The following KHDRBS2 variants were observed in gnomAD, a reference collection of about 807,000 sequenced individuals.
KHDRBS2 encodes the protein KH RNA binding domain containing, signal transduction associated 2.
A neutral mutation model predicts 44.3 loss-of-function variants in KHDRBS2; 26 were observed. That is an observed-to-expected ratio of 0.59 (90% CI 0.43 to 0.81). KHDRBS2 has a LOEUF of 0.81. Among genes scored for constraint, KHDRBS2 ranks in the 40% least tolerant of loss-of-function variants. The probability of loss-of-function intolerance (pLI) is 0.00; values close to 1 mark genes in which losing one functional copy is unlikely to be tolerated. For missense variants in KHDRBS2, 476 were observed against 433.1 expected (o/e 1.10, Z -0.88); for synonymous variants, 194 against 151.1 (o/e 1.28, Z -2.08).
intron 2 of KHDRBS2, among the ~76,000 whole-genome samples, chr6:62,090,463 C>T (rs948241189): frequency 2.0e-5 from 3 of 152,064 alleles, no homozygotes; most frequent in African/African-American, 7.2e-5. Flanking sequence ...AACAAATTCC[C>T]ATTTGGTGCA....
chr6:61,826,576 C>G (rs890506036), intron 6 of KHDRBS2, among the ~76,000 whole-genome samples: 1 of 152,054 alleles, frequency 6.6e-6, no homozygotes, highest in Non-Finnish European at 1.5e-5. Context: ...TTGTTGAGCT[C>G]TTTTCATTTA....
chr6:61,857,003 A>T (rs1203477454), intron 6 of KHDRBS2, among the ~76,000 whole-genome samples: 2 of 152,156 alleles, frequency 1.3e-5, no homozygotes, highest in Non-Finnish European at 2.9e-5. Flanking sequence ...TGAAGTGCAT[A>T]GCACCAATGT....
chr6:61,937,727 T>A (rs1811294214), intron 4 of KHDRBS2, among the ~76,000 whole-genome samples: 1 of 152,100 alleles, frequency 6.6e-6, no homozygotes, highest in African/African-American at 2.4e-5. Context: ...TAAAGGAAGA[T>A]CAGGATTAGT....
At chr6:62,181,557 A>G (rs1185126324) in intron 1 of KHDRBS2, among the ~76,000 whole-genome samples, 1 of 152,060 alleles carries the variant, frequency 6.6e-6, no homozygotes, top group Non-Finnish European at 1.5e-5. Context: ...GGATGTGGAT[A>G]AAAGGGAATC....
At chr6:61,787,108 C>A (rs1043060691) in intron 6 of KHDRBS2, among the ~76,000 whole-genome samples, 2 of 149,926 alleles carry the variant, frequency 1.3e-5, no homozygotes, top group African/African-American at 4.9e-5. Context: ...TAAAAGTATG[C>A]TATTTTGGTG....
chr6:61,995,770 A>T (rs1777056333), intron 3 of KHDRBS2, among the ~76,000 whole-genome samples: 1 of 152,186 alleles, frequency 6.6e-6, no homozygotes, highest in Non-Finnish European at 1.5e-5. Context: ...TCAGAGAAAA[A>T]AAAATCAGAT....
chr6:61,856,167 C>T (rs1381547638), intron 6 of KHDRBS2, among the ~76,000 whole-genome samples: 1 of 152,066 alleles, frequency 6.6e-6, no homozygotes, highest in African/African-American at 2.4e-5. Flanking sequence ...TGCTTTCATA[C>T]TCCATTTAGC....
At chr6:61,873,634 G>GAA (rs35126124) in intron 6 of KHDRBS2, among the ~76,000 whole-genome samples, 3,258 of 146,188 alleles carry the variant, frequency 0.022, 125 homozygotes, top group African/African-American at 0.073. Flanking sequence ...AGCAAAAAAA[G>GAA]AAAAAAAAAA....
intron 5 of KHDRBS2, among the ~76,000 whole-genome samples, chr6:61,895,267 A>G (rs1802747206): frequency 6.6e-6 from 1 of 152,062 alleles, no homozygotes; most frequent in African/African-American, 2.4e-5. Flanking sequence ...AGATGTCTGC[A>G]TCTCCTTTAT....
intron 8 of KHDRBS2, among the ~76,000 whole-genome samples, chr6:61,694,261 TTAAG>T (rs1210866882): frequency 4.6e-5 from 7 of 152,196 alleles, no homozygotes; most frequent in African/African-American, 1.7e-4. Context: ...GTGTTAGCCA[TTAAG>T]TAAATACTTG....
chr6:62,061,592 T>C (rs998522925), intron 2 of KHDRBS2, among the ~76,000 whole-genome samples: 3 of 150,638 alleles, frequency 2.0e-5, no homozygotes, highest in African/African-American at 4.9e-5. Flanking sequence ...GCTTTCTCTC[T>C]GGCTGCCCTT....
chr6:62,119,940 C>T (rs910741901), intron 2 of KHDRBS2, among the ~76,000 whole-genome samples: 6 of 151,826 alleles, frequency 4.0e-5, no homozygotes, highest in Non-Finnish European at 7.3e-5. Flanking sequence ...GTGTGACCCA[C>T]AAGGCAGTGC....
At chr6:61,847,101 G>A (rs510291) in intron 6 of KHDRBS2, among the ~76,000 whole-genome samples, 22,300 of 151,460 alleles carry the variant, frequency 0.15, 2,281 homozygotes, top group South Asian at 0.27. Context: ...ATGAAGAAGT[G>A]GTTCTAACTT....
At chr6:61,583,611 T>C in the KHDRBS2 span, among the ~76,000 whole-genome samples, 5 of 151,904 alleles carry the variant, frequency 3.3e-5, no homozygotes, top group South Asian at 1.0e-3. Flanking sequence ...TTGACTATTG[T>C]AGGTTTATAG....
At chr6:61,569,565 C>T in the KHDRBS2 span, among the ~76,000 whole-genome samples, 3 of 152,160 alleles carry the variant, frequency 2.0e-5, no homozygotes, top group South Asian at 2.1e-4. Flanking sequence ...CTGCAACATC[C>T]TGGCTAATCA....
At chr6:62,213,042 A>G (rs1230756465) in intron 1 of KHDRBS2, among the ~76,000 whole-genome samples, 1 of 152,206 alleles carries the variant, frequency 6.6e-6, no homozygotes, top group Non-Finnish European at 1.5e-5. Flanking sequence ...CTATTCAGAG[A>G]TCAGTTCAGA....
At chr6:62,155,800 T>C (rs554074779) in intron 2 of KHDRBS2, among the ~76,000 whole-genome samples, 1 of 152,174 alleles carries the variant, frequency 6.6e-6, no homozygotes, top group Non-Finnish European at 1.5e-5. Context: ...AGAGTTCACA[T>C]AAGTCATTTA....
intron 6 of KHDRBS2, among the ~76,000 whole-genome samples, chr6:61,887,167 C>T (rs1583335196): frequency 2.1e-5 from 3 of 143,966 alleles, no homozygotes; most frequent in Non-Finnish European, 4.8e-5. Flanking sequence ...AGTTTCTTTA[C>T]CTACTAAAAT....
intron 6 of KHDRBS2, among the ~76,000 whole-genome samples, chr6:61,766,110 C>T (rs1360504473): frequency 3.3e-5 from 5 of 149,998 alleles, no homozygotes; most frequent in Non-Finnish European, 7.4e-5. Context: ...CGTGTTCAGG[C>T]TTTTTTTTTG....
Sources: gnomAD v4.1 joint callset for allele counts (sites outside exome capture counted in the v4.1 genomes callset) on GRCh38, gnomAD v4.1.1 for gene constraint, MANE v1.5 for transcripts, NCBI Gene and HGNC (gene_info 2026-07-23, HGNC 2026-07-21) for gene names.